The following GPR161 variants were observed in gnomAD, a reference collection of about 807,000 sequenced individuals.
GPR161 encodes G-protein coupled receptor RE2.
GPR161 carries 25 observed loss-of-function variants against 39.2 expected under a neutral mutation model. The ratio of observed to expected loss-of-function variants is 0.64; its 90% CI spans 0.47 to 0.89. GPR161 has a LOEUF of 0.89. Among genes scored for constraint, GPR161 ranks in the 40% least tolerant of loss-of-function variants. GPR161 has a pLI of 0.00. For missense variants in GPR161, 547 were observed against 677.8 expected (o/e 0.81, Z 2.14); for synonymous variants, 286 against 276.6 (o/e 1.03, Z -0.34).
intron 3 of GPR161, among the ~76,000 whole-genome samples, chr1:168,091,093 A>C (rs1176324977): frequency 6.6e-6 from 1 of 152,170 alleles, no homozygotes; most frequent in Non-Finnish European, 1.5e-5. Flanking sequence ...GGAAGGAGAG[A>C]ATTTTTGTAA....
intron 1 of GPR161, chr1:168,136,376 C>G (rs1699374892): frequency 4.8e-6 from 7 of 1,444,906 alleles, no homozygotes; most frequent in Non-Finnish European, 4.5e-6. Flanking sequence ...GAGTCCCGGG[C>G]ACGCACCTAC....
At chr1:168,109,655 G>A (rs1340363630) in intron 1 of GPR161, among the ~76,000 whole-genome samples, 1 of 152,202 alleles carries the variant, frequency 6.6e-6, no homozygotes, top group Non-Finnish European at 1.5e-5. Flanking sequence ...ATTAAGACAT[G>A]CTAATGAGGG....
At chr1:168,130,622 T>C (rs1292482045) in intron 1 of GPR161, among the ~76,000 whole-genome samples, 1 of 152,210 alleles carries the variant, frequency 6.6e-6, no homozygotes. Context: ...AAGACTCCTA[T>C]CTGATACCTC....
chr1:168,136,429 C>G (rs746464991), intron 1 of GPR161: 31 of 1,352,602 alleles, frequency 2.3e-5, no homozygotes, highest in Admixed American at 1.0e-4. Context: ...CGGGCGGCGC[C>G]GGAGAAACGG....
chr1:168,103,976 A>G (rs1304151038), intron 2 of GPR161, among the ~76,000 whole-genome samples: 1 of 152,196 alleles, frequency 6.6e-6, no homozygotes, highest in African/African-American at 2.4e-5. Context: ...TTCCAAATGC[A>G]CACGGCCTCT....
intron 3 of GPR161, among the ~76,000 whole-genome samples, chr1:168,091,988 G>C (rs1393777528): frequency 6.6e-6 from 1 of 152,186 alleles, no homozygotes; most frequent in Non-Finnish European, 1.5e-5. Flanking sequence ...GAGGTTACAA[G>C]GCAATAGAAT....
chr1:168,088,369 G>A (rs970339199), intron 4 of GPR161: 2 of 152,210 alleles, frequency 1.3e-5, no homozygotes, highest in Admixed American at 6.5e-5. Flanking sequence ...ATCCAGCCCC[G>A]TTCTTAGCTT....
intron 1 of GPR161, among the ~76,000 whole-genome samples, chr1:168,112,664 C>CT (rs1206712399): frequency 6.6e-6 from 1 of 151,830 alleles, no homozygotes; most frequent in Non-Finnish European, 1.5e-5. Context: ...CGGGACCAGC[C>CT]TGGCTAACAT....
At chr1:168,102,915 A>ATTTT (rs1558108481) in intron 2 of GPR161, among the ~76,000 whole-genome samples, 4 of 147,594 alleles carry the variant, frequency 2.7e-5, no homozygotes, top group East Asian at 1.9e-4. Flanking sequence ...TTTTTTTTAA[A>ATTTT]AAAAAATTAT....
At chr1:168,115,286 A>T (rs1697528674) in intron 1 of GPR161, among the ~76,000 whole-genome samples, 1 of 152,106 alleles carries the variant, frequency 6.6e-6, no homozygotes, top group Admixed American at 6.5e-5. Context: ...ATCACTTGCA[A>T]CTTACAGAAT....
At chr1:168,116,707 A>C (rs1697662198) in intron 1 of GPR161, among the ~76,000 whole-genome samples, 1 of 152,194 alleles carries the variant, frequency 6.6e-6, no homozygotes, top group Admixed American at 6.5e-5. Context: ...GTTGCCCCAT[A>C]GATGGCAGGC....
chr1:168,117,470 A>T (rs1227497617), intron 1 of GPR161, among the ~76,000 whole-genome samples: 2 of 152,172 alleles, frequency 1.3e-5, no homozygotes, highest in Non-Finnish European at 2.9e-5. Flanking sequence ...TCTGCTACTT[A>T]CTGCCTCTGT....
At position 168,097,245 on chromosome 1, in the gene GPR161, T is replaced by A; in HGVS notation, c.375-13A>T. 1 of 1,596,526 alleles carries A rather than the reference T, an allele frequency of 6.3e-7. No individual in the cohort carries two copies. Among genetic ancestry groups the A allele is most frequent in the Non-Finnish European group, 8.6e-7 (1 of 1,168,282 alleles). On this transcript the variant is annotated splice_polypyrimidine_tract_variant and intron_variant, in intron 2 of 5. Coordinates refer to ENST00000682931, the MANE Select transcript of GPR161 (RefSeq NM_001375883.1). ...GACAGCATAGTAGCTAGAAAAGGGA[T>A]GGAGGGAGGCAAGAGAGAGAAGTCA...
chr1:168,111,964 G>GAA (rs34684224), intron 1 of GPR161, among the ~76,000 whole-genome samples: 1 of 123,930 alleles, frequency 8.1e-6, no homozygotes, highest in Non-Finnish European at 1.7e-5. Flanking sequence ...CTCTTCAACA[G>GAA]AAAAAAAAAA....
Sources: allele counts gnomAD v4.1 joint callset (sites outside exome capture counted in the v4.1 genomes callset), GRCh38; gene constraint gnomAD v4.1.1; transcripts MANE v1.5; gene names NCBI Gene and HGNC (gene_info 2026-07-23, HGNC 2026-07-21).